SLC38A4: variants seen among roughly 807,000 people sequenced by gnomAD.
SLC38A4 encodes sodium-coupled neutral amino acid transporter 4.
A neutral mutation model predicts 63.1 loss-of-function variants in SLC38A4; 20 were observed. The ratio of observed to expected loss-of-function variants is 0.32; its 90% CI spans 0.22 to 0.46. SLC38A4 has a LOEUF of 0.46. SLC38A4 is among the 20% of genes least tolerant of loss of function. The pLI, the probability that SLC38A4 is intolerant of heterozygous loss-of-function variation, is 1.00. For missense variants in SLC38A4, 526 were observed against 663.6 expected (o/e 0.79, Z 2.28); for synonymous variants, 230 against 225.5 (o/e 1.02, Z -0.18).
At chr12:46,785,893 G>A (rs61927983) in intron 5 of SLC38A4, among the ~76,000 whole-genome samples, 315 of 151,878 alleles carry the variant, frequency 2.1e-3, no homozygotes, top group South Asian at 4.4e-3. Context: ...AAGCATCTAC[G>A]TAATAAATGG....
rs146901750 is a variant in SLC38A4 at position 46,767,219 on chromosome 12, T to C, written c.1543-417A>G. Among the ~76,000 whole-genome samples, 196 of 143,428 alleles carry C rather than the reference T, an allele frequency of 1.4e-3. 1 individual carries two copies. Among genetic ancestry groups the C allele is most frequent in the Non-Finnish European group, 1.2e-3 (80 of 64,972 alleles). The allele number at this position is 143,428 out of a possible 152,430, so 94.1% of individuals were successfully genotyped here. ...ACAAAACCAAAAGCTTAATAGATGT[T>C]GCAACAAAAAGTGTATATATGTGTG... On this transcript the variant is annotated intron_variant, in intron 16 of 16. Coordinates refer to ENST00000266579, the MANE Select transcript of SLC38A4 (RefSeq NM_018018.5).
chr12:46,779,152 A>C (rs1301534294), intron 10 of SLC38A4, among the ~76,000 whole-genome samples: 1 of 151,812 alleles, frequency 6.6e-6, no homozygotes, highest in Non-Finnish European at 1.5e-5. Context: ...GGCATTCATG[A>C]TAGTGCAAGA....
chr12:46,821,415 C>T (rs1395938725), intron 1 of SLC38A4, among the ~76,000 whole-genome samples: 1 of 151,958 alleles, frequency 6.6e-6, no homozygotes, highest in African/African-American at 2.4e-5. Context: ...GTTGAAGAGG[C>T]TATGTTTTCC....
At chr12:46,824,762 G>A (rs1259746926) in intron 1 of SLC38A4, among the ~76,000 whole-genome samples, 4 of 152,214 alleles carry the variant, frequency 2.6e-5, no homozygotes, top group African/African-American at 4.8e-5. Flanking sequence ...AGGAGCAGGT[G>A]GAGATAATGA....
chr12:46,780,606 T>C (rs1938619529), intron 7 of SLC38A4, among the ~76,000 whole-genome samples: 1 of 145,714 alleles, frequency 6.9e-6, no homozygotes, highest in Non-Finnish European at 1.6e-5. Context: ...CAAAGAAGTT[T>C]TTTTTTTTCC....
intron 14 of SLC38A4, among the ~76,000 whole-genome samples, chr12:46,770,448 CT>C (rs1450411467): frequency 6.6e-6 from 1 of 152,012 alleles, no homozygotes; most frequent in Non-Finnish European, 1.5e-5. Context: ...GACTTTCTAG[CT>C]TAGTGTTGTG....
Position 46,778,303 on chromosome 12 carries a change from G to A in SLC38A4, c.1059C>T (p.Tyr353=), listed in dbSNP as rs1157935029. 1 of 1,612,512 alleles carries A rather than the reference G, an allele frequency of 6.2e-7. No homozygotes were observed. The highest frequency in any genetic ancestry group is 1.7e-5 in the Admixed American group (1 of 59,842). Residue 353 remains tyrosine, a synonymous_variant, in exon 12 of 17, where the codon TAC becomes TAT. Coordinates refer to ENST00000266579, the MANE Select transcript of SLC38A4 (RefSeq NM_018018.5). ...GGCTGCCTTACTCTTTAAGTTCACT[G>A]TAGATGGGAAGGACCTCAGGGTGGC... ...FVCHPEVLPI[Y]SELKDRSRRK... is the part of the protein sequence containing the mutation.
intron 1 of SLC38A4, among the ~76,000 whole-genome samples, chr12:46,815,240 GATAT>G (rs56368111): frequency 0.028 from 2,448 of 88,974 alleles, 42 homozygotes; most frequent in African/African-American, 0.046. Context: ...ATGGCTAAAG[GATAT>G]ATATATATAT....
intron 2 of SLC38A4, among the ~76,000 whole-genome samples, chr12:46,793,695 G>A (rs1279440555): frequency 6.6e-6 from 1 of 152,150 alleles, no homozygotes; most frequent in Non-Finnish European, 1.5e-5. Flanking sequence ...TGCAACATAG[G>A]TGAGGATCAA....
At chr12:46,821,830 A>T (rs1299774630) in intron 1 of SLC38A4, among the ~76,000 whole-genome samples, 1 of 152,086 alleles carries the variant, frequency 6.6e-6, no homozygotes, top group Non-Finnish European at 1.5e-5. Flanking sequence ...TTAACCCAAG[A>T]TGTGTTCCCA....
At position 46,765,889 on chromosome 12, in the gene SLC38A4, A is replaced by G. The variant is rs1408052874; in HGVS notation, c.*812T>C. 6.3e-6 allele frequency: 1 copy of G among 157,858 alleles called. No homozygotes were observed. Among genetic ancestry groups the G allele is most frequent in the Admixed American group, 6.2e-5 (1 of 16,184 alleles). The allele number at this position is 157,858 out of a possible 1,614,324, so 9.8% of individuals were successfully genotyped here. On this transcript the variant is annotated 3_prime_UTR_variant, in exon 17 of 17. Coordinates refer to ENST00000266579, the MANE Select transcript of SLC38A4 (RefSeq NM_018018.5). ...GAGGATGGAAGACGAGAGGGAGAGCATTGTTCAATGACAAAAGTATGACAA... is the reference window on the plus strand; with the variant it reads ...GAGGATGGAAGACGAGAGGGAGAGCGTTGTTCAATGACAAAAGTATGACAA...
At chr12:46,808,141 C>T (rs1288288368) in intron 1 of SLC38A4, among the ~76,000 whole-genome samples, 1 of 151,884 alleles carries the variant, frequency 6.6e-6, no homozygotes, top group African/African-American at 2.4e-5. Context: ...ATACAAATGA[C>T]TACATGATTA....
chr12:46,807,227 G>A (rs1939251740), intron 1 of SLC38A4, among the ~76,000 whole-genome samples: 1 of 151,982 alleles, frequency 6.6e-6, no homozygotes, highest in South Asian at 2.1e-4. Context: ...TGTTTCTGTA[G>A]TCATTGCTTT....
At chr12:46,784,499 T>C (rs751705374) in intron 7 of SLC38A4, 43 bp downstream of exon 7, 63 of 1,493,096 alleles carry the variant, frequency 4.2e-5, no homozygotes, top group Non-Finnish European at 4.8e-5. Flanking sequence ...TTGAACACGC[T>C]ATAGAAAGTT....
intron 4 of SLC38A4, among the ~76,000 whole-genome samples, 157 bp from the exon 5 acceptor site, chr12:46,788,188 A>T (rs1328006868): frequency 6.6e-6 from 1 of 152,218 alleles, no homozygotes; most frequent in African/African-American, 2.4e-5. Flanking sequence ...CAATAAAAGC[A>T]TGTAATTTTC....
chr12:46,823,716 T>G (rs1939594849), intron 1 of SLC38A4, among the ~76,000 whole-genome samples: 1 of 152,222 alleles, frequency 6.6e-6, no homozygotes. Context: ...TTACAAATGC[T>G]TTCAGATAGT....
chr12:46,792,928 A>G, intron 3 of SLC38A4, 25 bp downstream of exon 3: 1 of 1,535,382 alleles, frequency 6.5e-7, no homozygotes, highest in South Asian at 1.1e-5. Context: ...TTTTCCATGG[A>G]ACATAGTAAT....
intron 1 of SLC38A4, among the ~76,000 whole-genome samples, chr12:46,809,630 T>C (rs1484722351): frequency 2.0e-5 from 3 of 152,100 alleles, no homozygotes; most frequent in Non-Finnish European, 2.9e-5. Context: ...ACTTTACGGT[T>C]GCTTTAGTTA....
In SLC38A4 at chr12:46,820,031, G is replaced by C. The variant is rs538113448; in HGVS notation, c.-305+5872C>G. ...ACTGTGTTGTTTTAACAGCTTTATT[G>C]AGGTATGACTGATATAAAACAAATT... On this transcript the variant is annotated intron_variant, in intron 1 of 16. Transcript: ENST00000266579. 2.0e-5 allele frequency among the ~76,000 whole-genome samples: 3 copies of C among 151,948 alleles called. No individual in the cohort carries two copies. In the East Asian group the frequency reaches 5.8e-4, roughly 29 times the overall value.
Sources: gnomAD v4.1 joint callset for allele counts (sites outside exome capture counted in the v4.1 genomes callset) on GRCh38, gnomAD v4.1.1 for gene constraint, MANE v1.5 for transcripts, NCBI Gene and HGNC (gene_info 2026-07-23, HGNC 2026-07-21) for gene names.